The following AGAP4 variants were observed in gnomAD, a reference collection of about 807,000 sequenced individuals.
AGAP4 encodes the protein ArfGAP with GTPase domain, ankyrin repeat and PH domain 4.
Under a neutral mutation model 60.7 loss-of-function variants are expected in AGAP4, and 13 were observed. The ratio of observed to expected loss-of-function variants is 0.21; its 90% confidence interval spans 0.14 to 0.34. The LOEUF (loss-of-function observed/expected upper bound fraction) is 0.34. Among genes scored for constraint, AGAP4 ranks in the 10% least tolerant of loss-of-function variants. AGAP4 has a pLI of 1.00. For synonymous variants in AGAP4, 70 were observed against 339.0 expected (o/e 0.21, Z 8.72); for missense variants, 169 against 884.0 (o/e 0.19, Z 10.26).
intron 4 of AGAP4, among the ~76,000 whole-genome samples, chr10:45,834,674 C>CAAAA (rs1174820110): frequency 0.013 from 197 of 15,206 alleles, 7 homozygotes; most frequent in East Asian, 0.019. Flanking sequence ...GACTCCGCCT[C>CAAAA]AAAAAAAAAA....
chr10:45,834,965 G>C (rs1554897648), intron 4 of AGAP4, among the ~76,000 whole-genome samples: 2 of 146,452 alleles, frequency 1.4e-5, no homozygotes, highest in Non-Finnish European at 3.0e-5. Flanking sequence ...AGTAGAGACG[G>C]GGTTTCACCG....
At chr10:45,851,310 T>G (rs1446376246), upstream of AGAP4, among the ~76,000 whole-genome samples, 1 of 152,018 alleles carries the variant, frequency 6.6e-6, no homozygotes, top group Non-Finnish European at 1.5e-5. Context: ...CAGGAATGGC[T>G]GCTCCTGTGA....
In AGAP4 at chr10:45,825,975, G is replaced by A. The variant is rs1554896078; in HGVS notation, c.2001C>T (p.Ala667=). 1 of 1,366,056 alleles carries A rather than the reference G, an allele frequency of 7.3e-7. No homozygotes were observed. Among genetic ancestry groups the A allele is most frequent in the Non-Finnish European group, 1.0e-6 (1 of 999,428 alleles). The allele number at this position is 1,366,056 out of a possible 1,614,324, so 84.6% of individuals were successfully genotyped here. The stretch of plus-strand genomic sequence containing the variant: ...GCACGTTGATGCACTCCTGGCTGGA[G>A]GCCTGCCGGGCGTAGGTCAGCGCTG... ...GNTALTYARQ[A]SSQECINVLL... is the part of the protein sequence containing the mutation. The change falls in exon 8 of 8, where the codon GCC becomes GCT. Residue 667 remains alanine (A), a synonymous_variant. Transcript: ENST00000616763.
Position 45,846,113 on chromosome 10 carries a change from C to A in AGAP4, c.292+574G>T, listed in dbSNP as rs1294733577. 8.1e-5 allele frequency among the ~76,000 whole-genome samples: 12 copies of A among 147,430 alleles called. 2 individuals carry two copies. In the South Asian group the frequency reaches 2.7e-3, roughly 34 times the overall value. ...ACCAATCCCCACCTCTCTTTTAGAA[C>A]AAGGAGGTAAATAAAGTCTGTTAAG... On this transcript the variant is annotated intron_variant, in intron 2 of 7. Coordinates refer to ENST00000616763, the MANE Select transcript of AGAP4 (RefSeq NM_001276343.3).
At chr10:45,854,068 C>T (rs1425280579), upstream of AGAP4, 34 of 318,320 alleles carry the variant, frequency 1.1e-4, no homozygotes, top group Non-Finnish European at 1.5e-4. Context: ...ACAATAGCTA[C>T]GACCTGGGGC....
upstream of AGAP4, chr10:45,853,934 T>C (rs2059111959): frequency 8.5e-7 from 1 of 1,173,914 alleles, no homozygotes; most frequent in African/African-American, 1.6e-5. Context: ...CGTAAGTTCA[T>C]TCATATATGT....
intron 6 of AGAP4, among the ~76,000 whole-genome samples, chr10:45,829,863 G>A (rs4123162): frequency 1.3e-5 from 2 of 150,450 alleles, no homozygotes; most frequent in African/African-American, 4.9e-5. Context: ...GCGTGTTAAA[G>A]AAAGATTGGT....
At chr10:45,844,452 A>G in intron 2 of AGAP4, 58 bp from the exon 3 acceptor site, 1 of 1,591,382 alleles carries the variant, frequency 6.3e-7, no homozygotes, top group Non-Finnish European at 8.5e-7. Context: ...AAATTTATCA[A>G]CTCGTTTATT....
intron 6 of AGAP4, among the ~76,000 whole-genome samples, chr10:45,830,745 A>G (rs1222353322): frequency 3.9e-5 from 5 of 129,786 alleles, no homozygotes; most frequent in African/African-American, 1.5e-4. Context: ...TCAGCCTCCC[A>G]AAGTGCTGGG....
chr10:45,852,896 A>G (rs1438752386), intron 1 of AGAP4, among the ~76,000 whole-genome samples: 146 of 151,116 alleles, frequency 9.7e-4, no homozygotes, highest in Middle Eastern at 3.4e-3. Context: ...AATAGTGCCC[A>G]TATTTCTGTA....
intron 2 of AGAP4, among the ~76,000 whole-genome samples, chr10:45,844,789 A>G (rs2058975232): frequency 6.7e-6 from 1 of 148,334 alleles, no homozygotes. Flanking sequence ...GCAAAATATA[A>G]GATGTATTCT....
chr10:45,853,830 C>A lies in AGAP4; in HGVS notation n.46G>T, dbSNP rs1418935163. 1.8e-5 allele frequency: 23 copies of A among 1,282,514 alleles called. No homozygotes were observed. In the African/African-American group the frequency reaches 2.7e-4, roughly 15 times the overall value. 79.4% of individuals were successfully genotyped at this position (1,282,514 alleles called of 1,614,324 possible). A position where few individuals can be genotyped will look rare whatever the true frequency, so the allele number is the denominator to read the frequency against. On this transcript the variant is annotated non_coding_transcript_exon_variant, in exon 1 of 10. Coordinates refer to the AGAP4 transcript ENST00000430779. Reference sequence around the variant, plus strand: ...TCTTTGCTGGTTTTATGATCCTCTGCAGATGGGTCTATTCTCATTACCTCA... The same window carrying A: ...TCTTTGCTGGTTTTATGATCCTCTGAAGATGGGTCTATTCTCATTACCTCA...
At chr10:45,847,532 G>A (rs1392033450), upstream of AGAP4, 3 of 1,485,864 alleles carry the variant, frequency 2.0e-6, no homozygotes, top group African/African-American at 5.1e-5. Context: ...GCCCCGGCTA[G>A]GGCTGCGGGC....
upstream of AGAP4, among the ~76,000 whole-genome samples, chr10:45,849,610 T>A (rs1201048275): frequency 6.6e-6 from 1 of 151,400 alleles, no homozygotes; most frequent in Non-Finnish European, 1.5e-5. Context: ...ATTCTGGCTA[T>A]TAACCTTTTA....
At chr10:45,838,708 C>T (rs1398765597) in intron 4 of AGAP4, among the ~76,000 whole-genome samples, 480 of 151,340 alleles carry the variant, frequency 3.2e-3, no homozygotes, top group African/African-American at 0.011. Context: ...GTAGGTAATA[C>T]GAAAGGCGCA....
At chr10:45,832,849 CA>C (rs1554897332) in intron 5 of AGAP4, among the ~76,000 whole-genome samples, 1 of 99,446 alleles carries the variant, frequency 1.0e-5, no homozygotes, top group African/African-American at 3.9e-5. Flanking sequence ...TTAATTTGTT[CA>C]ATAACTTTAT....
chr10:45,843,706 G>T (rs2058956204), intron 3 of AGAP4, among the ~76,000 whole-genome samples: 1 of 139,968 alleles, frequency 7.1e-6, no homozygotes, highest in Admixed American at 7.0e-5. Flanking sequence ...ACTTGGCTGT[G>T]TATGGCTTGT....
upstream of AGAP4, among the ~76,000 whole-genome samples, chr10:45,851,340 T>C (rs1206108507): frequency 6.6e-6 from 1 of 152,028 alleles, no homozygotes; most frequent in African/African-American, 2.4e-5. Flanking sequence ...AAGGAGATGA[T>C]GCCTTCTTTT....
rs2058631687 is a variant in AGAP4, at chr10:45,825,600, A to T, written c.*315T>A. On this transcript the variant is annotated 3_prime_UTR_variant, in exon 8 of 8. Transcript: ENST00000616763. ...GAAAAAGAGGTGCCATGTGTACAAA[A>T]ATCAATGCATATTTATGAACTTTAT... 29 of 459,886 alleles carry T rather than the reference A, an allele frequency of 6.3e-5. 1 individual carries two copies. The South Asian group carries it at 6.8e-4, about 11-fold the overall frequency. The allele number at this position is 459,886 out of a possible 1,614,324, so 28.5% of individuals were successfully genotyped here.
Sources: gnomAD v4.1 joint callset for allele counts (sites outside exome capture counted in the v4.1 genomes callset) on GRCh38, gnomAD v4.1.1 for gene constraint, MANE v1.5 for transcripts, NCBI Gene and HGNC (gene_info 2026-07-23, HGNC 2026-07-21) for gene names.